NPHS2: variants seen among roughly 807,000 people sequenced by gnomAD.
The protein encoded by NPHS2 is NPHS2 stomatin family member, podocin.
NPHS2 carries 36 observed loss-of-function variants against 37.1 expected under a neutral mutation model. The observed-to-expected ratio is 0.97, with a 90% confidence interval of 0.74 to 1.28. The LOEUF (loss-of-function observed/expected upper bound fraction) is 1.28, where lower values mean the gene tolerates loss of function less well. Among genes scored for constraint, NPHS2 ranks in the 50% most tolerant of loss-of-function variants. The probability of loss-of-function intolerance (pLI) is 0.00; values close to 1 mark genes in which losing one functional copy is unlikely to be tolerated. For synonymous variants in NPHS2, 196 were observed against 189.3 expected (o/e 1.04, Z -0.29); for missense variants, 447 against 488.1 (o/e 0.92, Z 0.79).
At chr1:179,573,869 A>C (rs1312431132) in intron 1 of NPHS2, among the ~76,000 whole-genome samples, 1 of 152,236 alleles carries the variant, frequency 6.6e-6, no homozygotes, top group Non-Finnish European at 1.5e-5. Flanking sequence ...AGTTGCTTGA[A>C]TATCCAACTT....
At chr1:179,564,855 A>G in intron 1 of NPHS2, 62 bp from the exon 2 acceptor site, 2 of 1,319,044 alleles carry the variant, frequency 1.5e-6, no homozygotes, top group Non-Finnish European at 2.2e-6. Context: ...ACTGACTAGC[A>G]TCTGTTGGTC....
intron 1 of NPHS2, among the ~76,000 whole-genome samples, chr1:179,566,055 T>G (rs1410060046): frequency 2.0e-5 from 3 of 152,260 alleles, no homozygotes; most frequent in Non-Finnish European, 4.4e-5. Context: ...TATAGTAGCA[T>G]GATTTATAAT....
chr1:179,554,828 G>A (rs889674806), intron 5 of NPHS2: 2 of 464,596 alleles, frequency 4.3e-6, no homozygotes, highest in Non-Finnish European at 7.8e-6. Flanking sequence ...GATTTTGCTG[G>A]TTTGATTAGG....
At chr1:179,560,639 A>G (rs1674101795) in intron 3 of NPHS2, among the ~76,000 whole-genome samples, 1 of 152,090 alleles carries the variant, frequency 6.6e-6, no homozygotes, top group Non-Finnish European at 1.5e-5. Context: ...CCAATATAAT[A>G]TACACATGGG....
At chr1:179,572,988 C>T (rs1227605938) in intron 1 of NPHS2, among the ~76,000 whole-genome samples, 2 of 152,110 alleles carry the variant, frequency 1.3e-5, no homozygotes, top group South Asian at 2.1e-4. Context: ...GTGCATGCCA[C>T]CTTACCTGGC....
At chr1:179,557,353 C>G in intron 4 of NPHS2, 123 bp from the exon 5 acceptor site, 1 of 753,166 alleles carries the variant, frequency 1.3e-6, no homozygotes, top group African/African-American at 1.7e-5. Context: ...GTTGGCCTAC[C>G]CTTTATTTAA....
At position 179,575,706 on chromosome 1, in the gene NPHS2, G is replaced by A; in HGVS notation, c.159C>T (p.Thr53=). The stretch of plus-strand genomic sequence containing the variant: ...CGGCGGGCGCTCGGGGCTCCCCCGG[G>A]GTCCCCGCCCGTCCGGAGCCCGACG... ...PEPSGSGRAG[T]PGEPRAPAAT... Residue 53 remains threonine (T), a synonymous_variant, in exon 1 of 8, where the codon ACC becomes ACT. Coordinates refer to ENST00000367615, the MANE Select transcript of NPHS2 (RefSeq NM_014625.4). 1 of 1,570,096 alleles carries A rather than the reference G, an allele frequency of 6.4e-7. No homozygotes were observed. Among genetic ancestry groups the A allele is most frequent in the Non-Finnish European group, 8.6e-7 (1 of 1,163,518 alleles).
rs1674747229 is a variant in NPHS2 at position 179,575,822 on chromosome 1, G to A, written c.43C>T (p.Arg15Ter). Residue 15 changes from arginine (R) to a stop codon, truncating the protein, a stop_gained, in exon 1 of 8, where the codon CGA (arginine) becomes TGA (stop). Coordinates refer to ENST00000367615, the MANE Select transcript of NPHS2 (RefSeq NM_014625.4). LOFTEE classifies it high-confidence loss of function. ...ARSSSRESRG[R>*]GGRTPHKENK... ...TCCTTGTGCGGAGTCCTGCCGCCTC[G>A]CCCGCGGGACTCCCTGGAGGAGCTC... The A allele has an allele frequency of 6.9e-7, 1 of 1,458,244 alleles. No homozygotes were observed. Among genetic ancestry groups the A allele is most frequent in the Non-Finnish European group, 9.0e-7 (1 of 1,115,484 alleles). The allele number at this position is 1,458,244 out of a possible 1,614,324, so 90.3% of individuals were successfully genotyped here.
chr1:179,554,066 C>T (rs1176860353), intron 6 of NPHS2, among the ~76,000 whole-genome samples: 1 of 152,082 alleles, frequency 6.6e-6, no homozygotes, highest in Non-Finnish European at 1.5e-5. Flanking sequence ...GCATGTGCTA[C>T]CACGCCCAGC....
In NPHS2 at chr1:179,556,113, T is replaced by A. The variant is rs1364100919; in HGVS notation, c.738+914A>T. Among the ~76,000 whole-genome samples the A allele has an allele frequency of 6.6e-6, 1 of 152,250 alleles. No individual in the cohort carries two copies. The highest frequency in any genetic ancestry group is 1.5e-5 in the Non-Finnish European group (1 of 68,042). On this transcript the variant is annotated intron_variant, in intron 5 of 7. Coordinates refer to ENST00000367615, the MANE Select transcript of NPHS2 (RefSeq NM_014625.4). The surrounding 1 kb of genome is among the most constrained non-coding windows in gnomAD (Gnocchi z 4.1). ...AACAAGGGCAAGCTTGAATGTCAAG[T>A]GTCTGGACTTTATCCTTTAAAGGAG...
At chr1:179,561,268 A>C (rs774435368) in intron 3 of NPHS2, 21 bp downstream of exon 3, 3 of 1,596,466 alleles carry the variant, frequency 1.9e-6, no homozygotes, top group Non-Finnish European at 2.6e-6. Flanking sequence ...GGTGTTTAGA[A>C]AAAAAAGAGT....
intron 1 of NPHS2, among the ~76,000 whole-genome samples, chr1:179,569,295 C>G (rs890432702): frequency 1.4e-5 from 2 of 141,784 alleles, no homozygotes; most frequent in African/African-American, 5.3e-5. Context: ...GATCCCTTTA[C>G]CATTATGTAA....
Position 179,550,974 on chromosome 1 carries a change from G to A in NPHS2, c.*199C>T, listed in dbSNP as rs1278242986. On this transcript the variant is annotated 3_prime_UTR_variant, in exon 8 of 8. Coordinates refer to ENST00000367615, the MANE Select transcript of NPHS2 (RefSeq NM_014625.4). ...TAATTGCTCTGACTAGATGAGTCAC[G>A]GAAACATGTTGTCTGCCTTCTCTGT... 10 of 654,718 alleles carry A rather than the reference G, an allele frequency of 1.5e-5. No individual in the cohort carries two copies. The highest frequency in any genetic ancestry group is 2.4e-5 in the Non-Finnish European group (9 of 380,338). 40.6% of individuals were successfully genotyped at this position (654,718 alleles called of 1,614,324 possible). A position where few individuals can be genotyped will look rare whatever the true frequency, so the allele number is the denominator to read the frequency against.
intron 3 of NPHS2, among the ~76,000 whole-genome samples, chr1:179,560,308 A>G (rs1182507802): frequency 6.6e-6 from 1 of 152,162 alleles, no homozygotes; most frequent in East Asian, 1.9e-4. Flanking sequence ...TATAGGATCA[A>G]TGTGCAATAA....
chr1:179,561,483 T>G (rs1674136594), intron 2 of NPHS2, 122 bp from the exon 3 acceptor site: 2 of 717,678 alleles, frequency 2.8e-6, no homozygotes, highest in Non-Finnish European at 4.9e-6. Flanking sequence ...AAAAAATTTC[T>G]ATTAATACTT....
intron 5 of NPHS2, among the ~76,000 whole-genome samples, chr1:179,555,799 G>A (rs1314941639): frequency 6.6e-6 from 1 of 152,164 alleles, no homozygotes; most frequent in Non-Finnish European, 1.5e-5. Context: ...GGTGAGACTA[G>A]AATAGTTGGG....
At chr1:179,566,221 T>C (rs1373355122) in intron 1 of NPHS2, among the ~76,000 whole-genome samples, 5 of 152,140 alleles carry the variant, frequency 3.3e-5, no homozygotes, top group Admixed American at 6.6e-5. Flanking sequence ...ACATCCTCTC[T>C]AGCATCTGTT....
chr1:179,574,138 T>C (rs941996820), intron 1 of NPHS2, among the ~76,000 whole-genome samples: 1 of 152,166 alleles, frequency 6.6e-6, no homozygotes, highest in African/African-American at 2.4e-5. Context: ...CGCCCATTGC[T>C]TGAGGTCTCC....
At chr1:179,563,161 G>T (rs1349690045) in intron 2 of NPHS2, among the ~76,000 whole-genome samples, 6 of 152,226 alleles carry the variant, frequency 3.9e-5, no homozygotes, top group African/African-American at 1.4e-4. Context: ...CTAAAGTAGA[G>T]CGGGAATGGC....
Sources: allele counts gnomAD v4.1 joint callset (sites outside exome capture counted in the v4.1 genomes callset), GRCh38; gene constraint gnomAD v4.1.1; non-coding constraint Gnocchi (gnomAD v3.1); transcripts MANE v1.5; gene names NCBI Gene and HGNC (gene_info 2026-07-23, HGNC 2026-07-21).